The following RHOBTB2 variants were observed in gnomAD, a reference collection of about 807,000 sequenced individuals.
RHOBTB2 encodes the protein Rho related BTB domain containing 2.
RHOBTB2 carries 39 observed loss-of-function variants against 66.5 expected under a neutral mutation model. The ratio of observed to expected loss-of-function variants is 0.59; its 90% CI spans 0.45 to 0.77. The LOEUF is 0.77. RHOBTB2 is among the 30% of genes least tolerant of loss of function. RHOBTB2 has a pLI of 0.00. For missense variants in RHOBTB2, 755 were observed against 999.1 expected, an observed-to-expected ratio of 0.76 and a Z score of 3.29; for synonymous variants, 390 against 395.0, an observed-to-expected ratio of 0.99 and a Z score of 0.15.
At chr8:22,997,603 G>A (rs567664919), upstream of RHOBTB2, among the ~76,000 whole-genome samples, 3 of 152,308 alleles carry the variant, frequency 2.0e-5, no homozygotes, top group East Asian at 5.8e-4. Flanking sequence ...AAGGCAGAAA[G>A]GGCATTGGCT....
chr8:23,012,526 G>T (rs1356508914), intron 7 of RHOBTB2, among the ~76,000 whole-genome samples: 2 of 152,270 alleles, frequency 1.3e-5, no homozygotes, highest in African/African-American at 4.8e-5. Flanking sequence ...CTTCCTATGA[G>T]GCCATTAATT....
chr8:22,973,567 G>A, the RHOBTB2 span, among the ~76,000 whole-genome samples: 675 of 152,178 alleles, frequency 4.4e-3, 2 homozygotes, highest in Admixed American at 7.7e-3. Context: ...GAGAGACCCT[G>A]GAGGGCAAGC....
chr8:22,980,729 A>T, the RHOBTB2 span, among the ~76,000 whole-genome samples: 1 of 152,178 alleles, frequency 6.6e-6, no homozygotes, highest in Admixed American at 6.5e-5. Context: ...AAGTTTTTTT[A>T]AAAAACAAAC....
upstream of RHOBTB2, among the ~76,000 whole-genome samples, chr8:22,997,285 G>A (rs924384589): frequency 6.6e-6 from 1 of 152,068 alleles, no homozygotes; most frequent in African/African-American, 2.4e-5. Context: ...AACTGATTGG[G>A]GCGCCAACCA....
the RHOBTB2 span, among the ~76,000 whole-genome samples, chr8:22,979,738 CTTTCT>C: frequency 1.3e-3 from 97 of 76,996 alleles, no homozygotes; most frequent in African/African-American, 2.7e-3. Flanking sequence ...CTTTTCTTTT[CTTTCT>C]TTTTTTTTTT....
upstream of RHOBTB2, among the ~76,000 whole-genome samples, chr8:22,998,707 G>C (rs866124845): frequency 7.6e-5 from 10 of 130,842 alleles, no homozygotes; most frequent in African/African-American, 2.6e-4. Flanking sequence ...CTCCAGCCTG[G>C]GCAACAGAGG....
rs1389676119 is a variant in RHOBTB2, at chr8:23,018,340, T to A, written c.*871T>A. ...CTGCTTTTTATAGGGTGGGGCAAAA[T>A]TAGCAAAAAACAAAAACCAATGACA... On this transcript the variant is annotated 3_prime_UTR_variant, in exon 10 of 10. Transcript: ENST00000251822. 6 of 152,526 alleles carry A rather than the reference T, an allele frequency of 3.9e-5. No individual in the cohort carries two copies. The highest frequency in any genetic ancestry group is 1.5e-4 in the African/African-American group (6 of 41,376). 9.4% of individuals were successfully genotyped at this position (152,526 alleles called of 1,614,324 possible). A position where few individuals can be genotyped will look rare whatever the true frequency, so the allele number is the denominator to read the frequency against.
Position 23,020,182 on chromosome 8 carries a change from T to G in RHOBTB2, c.*2713T>G. 2.3e-6 allele frequency: 1 copy of G among 429,580 alleles called. No individual in the cohort carries two copies. Among genetic ancestry groups the G allele is most frequent in the Non-Finnish European group, 4.7e-6 (1 of 212,140 alleles). 26.6% of individuals were successfully genotyped at this position (429,580 alleles called of 1,614,324 possible). ...ATTTGGTCATGGATTCATAAATACA[T>G]AAGTATTTTGTACACAATGTGCTTC... On this transcript the variant is annotated 3_prime_UTR_variant, in exon 10 of 10. Transcript: ENST00000251822.
At chr8:22,972,211 C>T in the RHOBTB2 span, among the ~76,000 whole-genome samples, 2,935 of 152,208 alleles carry the variant, frequency 0.019, 49 homozygotes, top group Middle Eastern at 0.041. Context: ...CTAGGCACGG[C>T]GCTTAGGGTT....
chr8:23,000,389 T>C (rs1810736711), intron 1 of RHOBTB2, among the ~76,000 whole-genome samples: 1 of 152,160 alleles, frequency 6.6e-6, no homozygotes, highest in Middle Eastern at 3.2e-3. Context: ...CAGAGTAGCG[T>C]GTCAGAAAAA....
chr8:23,016,610 C>A, intron 9 of RHOBTB2, among the ~76,000 whole-genome samples: 1 of 152,058 alleles, frequency 6.6e-6, no homozygotes, highest in East Asian at 1.9e-4. Context: ...CGGGGTTTCA[C>A]CACGTTGCCC....
At chr8:22,951,375 C>CT in the RHOBTB2 span, among the ~76,000 whole-genome samples, 1 of 151,326 alleles carries the variant, frequency 6.6e-6, no homozygotes, top group Non-Finnish European at 1.5e-5. Flanking sequence ...CTTCAGCCTC[C>CT]TGAGTGTCAC....
chr8:22,962,003 A>G, the RHOBTB2 span, among the ~76,000 whole-genome samples: 1 of 152,030 alleles, frequency 6.6e-6, no homozygotes, highest in Non-Finnish European at 1.5e-5. Flanking sequence ...AGTTTTCCAA[A>G]TTTACGGAAA....
At chr8:22,998,562 C>T (rs763945188), upstream of RHOBTB2, among the ~76,000 whole-genome samples, 26 of 151,860 alleles carry the variant, frequency 1.7e-4, no homozygotes, top group Non-Finnish European at 1.0e-4. Context: ...GGTGAAACCC[C>T]GTCTCTACCA....
At chr8:22,965,634 T>C in the RHOBTB2 span, among the ~76,000 whole-genome samples, 2 of 152,188 alleles carry the variant, frequency 1.3e-5, no homozygotes, top group Non-Finnish European at 2.9e-5. Flanking sequence ...CTTGCATATA[T>C]GGTCAAAGGA....
At chr8:22,987,033 A>G (rs1381842897), upstream of RHOBTB2, among the ~76,000 whole-genome samples, 1 of 152,244 alleles carries the variant, frequency 6.6e-6, no homozygotes, top group Non-Finnish European at 1.5e-5. Context: ...TCAGGTAGCC[A>G]GAATTAATTA....
the RHOBTB2 span, among the ~76,000 whole-genome samples, chr8:22,955,564 CTTTTT>C: frequency 1.9e-5 from 2 of 103,960 alleles, no homozygotes; most frequent in Non-Finnish European, 3.9e-5. Flanking sequence ...TTCAATAAAT[CTTTTT>C]TTTTTTTTTT....
the RHOBTB2 span, among the ~76,000 whole-genome samples, chr8:22,979,417 C>T: frequency 1.3e-5 from 2 of 152,052 alleles, no homozygotes; most frequent in Non-Finnish European, 2.9e-5. Flanking sequence ...TGTAATAGTT[C>T]TTTCTATCCT....
the RHOBTB2 span, among the ~76,000 whole-genome samples, chr8:22,968,973 G>A: frequency 6.6e-6 from 1 of 151,964 alleles, no homozygotes; most frequent in East Asian, 1.9e-4. Context: ...TCAAAAAACA[G>A]TATAAAAGTC....
Sources: allele counts gnomAD v4.1 joint callset (sites outside exome capture counted in the v4.1 genomes callset), GRCh38; gene constraint gnomAD v4.1.1; transcripts MANE v1.5; gene names NCBI Gene and HGNC (gene_info 2026-07-23, HGNC 2026-07-21).